Variants in MANBA observed in about 807,000 individuals in gnomAD.
MANBA encodes beta-mannosidase.
A neutral mutation model predicts 111.1 loss-of-function variants in MANBA; 83 were observed. That is an observed-to-expected ratio of 0.75 (90% CI 0.63 to 0.90). MANBA has a LOEUF of 0.90. MANBA is among the 40% of genes least tolerant of loss of function. The pLI is 0.00. For missense variants in MANBA, 1,036 were observed against 1,069.0 expected, an observed-to-expected ratio of 0.97 and a Z score of 0.43; for synonymous variants, 370 against 378.7, an observed-to-expected ratio of 0.98 and a Z score of 0.27.
rs1486112461 is a variant in MANBA at position 102,698,642 on chromosome 4, G to C, written c.674-7871C>G. On this transcript the variant is annotated intron_variant, in intron 5 of 16. Coordinates refer to ENST00000647097, the MANE Select transcript of MANBA (RefSeq NM_005908.4). ...CTTTCCCCATTGCTTGTTTTTCTCA[G>C]GTTTGTCAAAGATCAGATAGTTGTA... Among the ~76,000 whole-genome samples, 4 of 151,706 alleles carry C rather than the reference G, an allele frequency of 2.6e-5. No homozygotes were observed. In the East Asian group the frequency reaches 7.7e-4, roughly 29 times the overall value.
intron 1 of MANBA, chr4:102,729,229 C>CTGA: frequency 1.4e-6 from 1 of 738,724 alleles, no homozygotes; most frequent in African/African-American, 1.7e-5. Flanking sequence ...CTGGAGCTGG[C>CTGA]TGATGTTCCG....
At chr4:102,647,823 T>C (rs1347430280) in intron 13 of MANBA, among the ~76,000 whole-genome samples, 2 of 152,158 alleles carry the variant, frequency 1.3e-5, no homozygotes, top group African/African-American at 4.8e-5. Context: ...TTCTTTCAGC[T>C]TACAGTTTTC....
chr4:102,740,463 A>G (rs1034342185), intron 1 of MANBA, among the ~76,000 whole-genome samples: 6 of 152,164 alleles, frequency 3.9e-5, no homozygotes, highest in Non-Finnish European at 8.8e-5. Context: ...TTCATATAAA[A>G]CTCAAAAGGA....
chr4:102,642,894 A>G (rs1729943826), intron 13 of MANBA, among the ~76,000 whole-genome samples: 1 of 152,162 alleles, frequency 6.6e-6, no homozygotes, highest in African/African-American at 2.4e-5. Context: ...CAATATCTAT[A>G]TACTTTATTT....
intron 14 of MANBA, 49 bp from the exon 15 acceptor site, chr4:102,636,056 G>C: frequency 1.3e-6 from 2 of 1,564,612 alleles, no homozygotes; most frequent in Non-Finnish European, 1.8e-6. Context: ...AGTAGTCAGA[G>C]AGGCACTGTC....
chr4:102,728,370 T>C, intron 1 of MANBA: 1 of 524,956 alleles, frequency 1.9e-6, no homozygotes, highest in Admixed American at 2.0e-5. Context: ...TTGCCTACAC[T>C]TTGAATCTTA....
intron 11 of MANBA, among the ~76,000 whole-genome samples, chr4:102,660,510 A>C (rs1441934122): frequency 6.6e-6 from 1 of 152,092 alleles, no homozygotes; most frequent in African/African-American, 2.4e-5. Context: ...GCTGGAGTGC[A>C]GTGGCATGAT....
chr4:102,739,994 A>C (rs1024513268), intron 1 of MANBA, among the ~76,000 whole-genome samples: 1 of 152,232 alleles, frequency 6.6e-6, no homozygotes. Context: ...GTAAAGAGGA[A>C]GTAAAACCGT....
chr4:102,753,465 A>G (rs1480503291), intron 1 of MANBA, among the ~76,000 whole-genome samples: 1 of 152,178 alleles, frequency 6.6e-6, no homozygotes, highest in Non-Finnish European at 1.5e-5. Flanking sequence ...AGTATATGCG[A>G]ATTTAGTGCA....
chr4:102,645,902 A>T (rs1730082229), intron 13 of MANBA, among the ~76,000 whole-genome samples: 1 of 152,100 alleles, frequency 6.6e-6, no homozygotes, highest in Non-Finnish European at 1.5e-5. Context: ...TGCCCACTTT[A>T]CTTAATTGCT....
In MANBA at chr4:102,723,913, G is replaced by A. The variant is rs201542035; in HGVS notation, c.327C>T (p.Ile109=). The A allele has an allele frequency of 2.5e-6, 4 of 1,611,500 alleles. No individual in the cohort carries two copies. Among genetic ancestry groups the A allele is most frequent in the Non-Finnish European group, 3.4e-6 (4 of 1,178,124 alleles). ...CCCCAATAGTGACTTCATTGAACAG[G>A]ATTTTTGAAACCGTATCCACTCCCT... ...ILEGVDTVSK[I]LFNEVTIGET... is the part of the protein sequence containing the mutation. Residue 109 remains isoleucine (I), a synonymous_variant, in exon 3 of 17, where the codon ATC becomes ATT. Transcript: ENST00000647097.
At chr4:102,646,220 T>C (rs187278728) in intron 13 of MANBA, among the ~76,000 whole-genome samples, 2 of 152,248 alleles carry the variant, frequency 1.3e-5, no homozygotes, top group Non-Finnish European at 1.5e-5. Flanking sequence ...ATGATGCCTA[T>C]ACAAACTCCT....
intron 5 of MANBA, among the ~76,000 whole-genome samples, chr4:102,692,247 G>A (rs571139693): frequency 5.3e-5 from 8 of 152,144 alleles, no homozygotes; most frequent in Non-Finnish European, 8.8e-5. Context: ...GAAAAGCCAG[G>A]AACAGAGAGG....
chr4:102,711,254 C>A (rs901001043), intron 5 of MANBA, among the ~76,000 whole-genome samples: 1 of 152,054 alleles, frequency 6.6e-6, no homozygotes, highest in Non-Finnish European at 1.5e-5. Context: ...ACACAAGGAA[C>A]TCAACTGAAC....
intron 1 of MANBA, chr4:102,728,732 G>A: frequency 1.2e-6 from 1 of 805,814 alleles, no homozygotes; most frequent in Non-Finnish European, 2.0e-6. Flanking sequence ...GCTGGGAGGG[G>A]CTGCCGCAGC....
Position 102,631,620 on chromosome 4 carries a change from T to A in MANBA, c.*437A>T, listed in dbSNP as rs80064803. On this transcript the variant is annotated 3_prime_UTR_variant, in exon 17 of 17. Coordinates refer to ENST00000647097, the MANE Select transcript of MANBA (RefSeq NM_005908.4). Reference sequence around the variant, plus strand: ...TTGTAACATTTCAATCGCCATTCCCTCTGAAATAATAACAAAGCACTTTAT... The same window carrying A: ...TTGTAACATTTCAATCGCCATTCCCACTGAAATAATAACAAAGCACTTTAT... The A allele has an allele frequency of 3.8e-4, 156 of 414,552 alleles. 1 individual carries two copies. The highest frequency in any genetic ancestry group is 2.6e-3 in the African/African-American group (130 of 49,060). 25.7% of individuals were successfully genotyped at this position (414,552 alleles called of 1,614,324 possible).
intron 1 of MANBA, chr4:102,730,290 A>T (rs888924564): frequency 3.1e-5 from 17 of 543,770 alleles, no homozygotes; most frequent in South Asian, 5.1e-5. Flanking sequence ...TGACCGGAGG[A>T]ATTTACAAGA....
rs1175848701 is a variant in MANBA, at chr4:102,653,296, CA to C, written c.1705-2596del. Among the ~76,000 whole-genome samples the C allele has an allele frequency of 5.3e-5, 8 of 151,680 alleles. No individual in the cohort carries two copies. The South Asian group carries it at 1.7e-3, about 32-fold the overall frequency. On this transcript the variant is annotated intron_variant, in intron 12 of 16. Transcript: ENST00000647097. ...ATTTACTACCATTAACCCCAATTTA[CA>C]GATGAGGAAACTGAAATTCAGAAAG...
intron 1 of MANBA, among the ~76,000 whole-genome samples, chr4:102,733,275 T>C (rs1723094125): frequency 6.6e-6 from 1 of 151,728 alleles, no homozygotes; most frequent in Admixed American, 6.6e-5. Context: ...ACGAAGGAGG[T>C]AGATCCACAA....
Sources: gnomAD v4.1 joint callset for allele counts (sites outside exome capture counted in the v4.1 genomes callset) on GRCh38, gnomAD v4.1.1 for gene constraint, MANE v1.5 for transcripts, NCBI Gene and HGNC (gene_info 2026-07-23, HGNC 2026-07-21) for gene names.